LRP6: variants seen among roughly 807,000 people sequenced by gnomAD.
LRP6 encodes low-density lipoprotein receptor-related protein 6.
A neutral mutation model predicts 184.1 loss-of-function variants in LRP6; 43 were observed. The ratio of observed to expected loss-of-function variants is 0.23; its 90% CI spans 0.18 to 0.30. The LOEUF (loss-of-function observed/expected upper bound fraction) is 0.30, where lower values mean the gene tolerates loss of function less well. LRP6 is among the 10% of genes least tolerant of loss of function. The probability of loss-of-function intolerance (pLI) is 1.00; values close to 1 mark genes in which losing one functional copy is unlikely to be tolerated. For missense variants in LRP6, 1,571 were observed against 2,005.3 expected, an observed-to-expected ratio of 0.78 and a Z score of 4.14; for synonymous variants, 719 against 684.9, an observed-to-expected ratio of 1.05 and a Z score of -0.78.
chr12:12,139,494 C>G (rs1949899029), intron 15 of LRP6, among the ~76,000 whole-genome samples: 1 of 152,138 alleles, frequency 6.6e-6, no homozygotes, highest in African/African-American at 2.4e-5. Context: ...GAGGCTGAGG[C>G]AGGAGGATCA....
At chr12:12,160,018 A>G in intron 10 of LRP6, 54 bp from the exon 11 acceptor site, 1 of 1,309,508 alleles carries the variant, frequency 7.6e-7, no homozygotes, top group Admixed American at 1.9e-5. Flanking sequence ...ATCTGGGGGA[A>G]AGAGTCATAT....
chr12:12,126,457 A>C (rs1447070148), intron 20 of LRP6, among the ~76,000 whole-genome samples: 1 of 152,214 alleles, frequency 6.6e-6, no homozygotes, highest in Non-Finnish European at 1.5e-5. Flanking sequence ...AGAGGCTTAG[A>C]GCTTGCATAT....
chr12:12,261,285 T>A (rs987378686), intron 1 of LRP6, among the ~76,000 whole-genome samples: 1 of 151,206 alleles, frequency 6.6e-6, no homozygotes, highest in Non-Finnish European at 1.5e-5. Flanking sequence ...TCGGGCGTGG[T>A]GGCGGGCGCC....
At chr12:12,262,834 T>TA (rs1462022975) in intron 1 of LRP6, among the ~76,000 whole-genome samples, 1 of 152,122 alleles carries the variant, frequency 6.6e-6, no homozygotes, top group Non-Finnish European at 1.5e-5. Flanking sequence ...GAATGAATAA[T>TA]AAATCCCTGC....
At chr12:12,221,268 G>T (rs1864481978) in intron 2 of LRP6, among the ~76,000 whole-genome samples, 1 of 152,186 alleles carries the variant, frequency 6.6e-6, no homozygotes, top group Non-Finnish European at 1.5e-5. Context: ...ACAATGAAGT[G>T]TAAGAGAAAA....
intron 8 of LRP6, 137 bp downstream of exon 8, chr12:12,164,942 A>G: frequency 2.5e-6 from 1 of 408,028 alleles, no homozygotes; most frequent in Non-Finnish European, 4.3e-6. Context: ...AAAAAAAAAA[A>G]AAAAAAAAAA....
rs188068392 is a variant in LRP6, at chr12:12,230,174, T to G, written c.449+14088A>C. Among the ~76,000 whole-genome samples, 51 of 152,284 alleles carry G rather than the reference T, an allele frequency of 3.3e-4. No individual in the cohort carries two copies. In the East Asian group the frequency reaches 9.1e-3, roughly 27 times the overall value. ...GTAAAGCAAGTAAACATATATTAAGTTTTCAAGATGTCACAATTTCTTATG... is the reference window on the plus strand; with the variant it reads ...GTAAAGCAAGTAAACATATATTAAGGTTTCAAGATGTCACAATTTCTTATG... On this transcript the variant is annotated intron_variant, in intron 2 of 22. Transcript: ENST00000261349.
chr12:12,260,444 A>G (rs939843410), intron 1 of LRP6, among the ~76,000 whole-genome samples: 1 of 152,172 alleles, frequency 6.6e-6, no homozygotes, highest in Non-Finnish European at 1.5e-5. Flanking sequence ...AGAAATTTCC[A>G]TAAGTAAAAG....
intron 3 of LRP6, among the ~76,000 whole-genome samples, chr12:12,197,813 A>C (rs1014798041): frequency 4.6e-5 from 7 of 152,192 alleles, no homozygotes; most frequent in Non-Finnish European, 8.8e-5. Context: ...GTAGGCCGAG[A>C]CAGGTGGATC....
At chr12:12,256,063 T>C (rs1239761059) in intron 1 of LRP6, among the ~76,000 whole-genome samples, 3 of 152,274 alleles carry the variant, frequency 2.0e-5, no homozygotes, top group Admixed American at 2.0e-4. Context: ...GTACAAACAA[T>C]CTGGCTTTAG....
At position 12,150,911 on chromosome 12, in the gene LRP6, G is replaced by A. The variant is rs1356848374; in HGVS notation, c.2919C>T (p.Asp973=). 5 of 1,614,056 alleles carry A rather than the reference G, an allele frequency of 3.1e-6. No individual in the cohort carries two copies. The highest frequency in any genetic ancestry group is 4.2e-6 in the Non-Finnish European group (5 of 1,180,018). Residue 973 remains aspartate (D), a synonymous_variant, in exon 13 of 23, where the codon GAC becomes GAT. Coordinates refer to ENST00000261349, the MANE Select transcript of LRP6 (RefSeq NM_002336.3). ...SLRNVRAIDY[D]PLDKQLYWID... Reference sequence around the variant, plus strand: ...TCCAATAGAGTTGCTTGTCCAGTGGGTCATAGTCAATGGCCCGGACATTCC... The same window carrying A: ...TCCAATAGAGTTGCTTGTCCAGTGGATCATAGTCAATGGCCCGGACATTCC...
intron 12 of LRP6, chr12:12,155,646 CA>C: frequency 1.1e-6 from 1 of 941,620 alleles, no homozygotes; most frequent in Non-Finnish European, 1.7e-6. Context: ...AGAAAGAAGC[CA>C]AAGAGAAAGG....
At chr12:12,252,315 C>A (rs79028422) in intron 1 of LRP6, among the ~76,000 whole-genome samples, 2 of 152,258 alleles carry the variant, frequency 1.3e-5, no homozygotes, top group African/African-American at 4.8e-5. Context: ...CAACAACTGT[C>A]TTTGAGATTT....
chr12:12,222,400 TACTAAA>T (rs1373519601), intron 2 of LRP6, among the ~76,000 whole-genome samples: 2 of 151,792 alleles, frequency 1.3e-5, no homozygotes, highest in Admixed American at 6.6e-5. Context: ...ACCTCATCTC[TACTAAA>T]AATACAAAAA....
At chr12:12,177,049 T>C (rs1863206933) in intron 7 of LRP6, among the ~76,000 whole-genome samples, 2 of 151,742 alleles carry the variant, frequency 1.3e-5, no homozygotes, top group South Asian at 4.2e-4. Context: ...GGTTTCACCA[T>C]GTTGGCCAGG....
At chr12:12,220,859 G>A (rs11609961) in intron 2 of LRP6, among the ~76,000 whole-genome samples, 7 of 152,146 alleles carry the variant, frequency 4.6e-5, no homozygotes, top group South Asian at 4.1e-4. Flanking sequence ...CTCAGTCTCC[G>A]AAAGTGCTGG....
intron 2 of LRP6, among the ~76,000 whole-genome samples, chr12:12,209,457 T>C (rs957900481): frequency 6.6e-6 from 1 of 152,274 alleles, no homozygotes; most frequent in Admixed American, 6.5e-5. Context: ...CAGATAAAGA[T>C]TCCAACTACA....
Position 12,221,683 on chromosome 12 carries a change from G to A in LRP6, c.450-18283C>T, listed in dbSNP as rs571935031. Among the ~76,000 whole-genome samples the A allele has an allele frequency of 2.8e-4, 42 of 152,292 alleles. No homozygotes were observed. In the South Asian group the frequency reaches 7.9e-3, roughly 29 times the overall value. On this transcript the variant is annotated intron_variant, in intron 2 of 22. Coordinates refer to ENST00000261349, the MANE Select transcript of LRP6 (RefSeq NM_002336.3). ...CACTCACACAGGGCTTAGAACCAGT[G>A]AAGAGGAACATAATGTTCTCAAGCA...
chr12:12,256,609 C>A (rs1474201426), intron 1 of LRP6, among the ~76,000 whole-genome samples: 1 of 152,120 alleles, frequency 6.6e-6, no homozygotes, highest in East Asian at 1.9e-4. Context: ...GAGGTCAAGA[C>A]CAGCCTGACC....
Sources: gnomAD v4.1 joint callset for allele counts (sites outside exome capture counted in the v4.1 genomes callset) on GRCh38, gnomAD v4.1.1 for gene constraint, MANE v1.5 for transcripts, NCBI Gene and HGNC (gene_info 2026-07-23, HGNC 2026-07-21) for gene names.